Variants in ADGRD1 observed in about 807,000 individuals in gnomAD.
ADGRD1 encodes adhesion G protein-coupled receptor D1.
A neutral mutation model predicts 113.4 loss-of-function variants in ADGRD1; 77 were observed. The ratio of observed to expected loss-of-function variants is 0.68; its 90% CI spans 0.57 to 0.82. The LOEUF (loss-of-function observed/expected upper bound fraction) is 0.82. Ranked by LOEUF, ADGRD1 falls within the 40% of genes least tolerant of loss-of-function variation. The probability of loss-of-function intolerance (pLI) is 0.00; values close to 1 mark genes in which losing one functional copy is unlikely to be tolerated. For missense variants in ADGRD1, 1,036 were observed against 1,139.1 expected (o/e 0.91, Z 1.30); for synonymous variants, 474 against 475.0 (o/e 1.00, Z 0.03).
intron 20 of ADGRD1, among the ~76,000 whole-genome samples, chr12:131,125,222 A>G (rs1433626752): frequency 1.3e-5 from 2 of 152,212 alleles, no homozygotes; most frequent in East Asian, 3.8e-4. Context: ...GGGCTTCAGC[A>G]TATGAATTTG....
intron 13 of ADGRD1, among the ~76,000 whole-genome samples, chr12:131,028,919 C>T (rs182286826): frequency 1.6e-4 from 25 of 152,314 alleles, no homozygotes; most frequent in Non-Finnish European, 2.2e-4. Flanking sequence ...ATTTGATGCG[C>T]GTCGTGAAAC....
At chr12:131,029,281 C>G (rs975384150) in intron 13 of ADGRD1, among the ~76,000 whole-genome samples, 1 of 152,238 alleles carries the variant, frequency 6.6e-6, no homozygotes, top group Non-Finnish European at 1.5e-5. Flanking sequence ...CTTGAACCTG[C>G]AGTGCGAATC....
At chr12:130,959,065 G>A (rs569299555) in intron 2 of ADGRD1, among the ~76,000 whole-genome samples, 37 of 152,350 alleles carry the variant, frequency 2.4e-4, no homozygotes, top group African/African-American at 8.4e-4. Flanking sequence ...CGAGTGGTCA[G>A]TACCGGGACA....
chr12:130,974,892 A>C (rs1872126837), intron 4 of ADGRD1, among the ~76,000 whole-genome samples: 1 of 151,902 alleles, frequency 6.6e-6, no homozygotes, highest in South Asian at 2.1e-4. Flanking sequence ...CCTTCATTCT[A>C]GGAGCTACTG....
At chr12:130,996,933 C>T (rs1395175085) in intron 8 of ADGRD1, among the ~76,000 whole-genome samples, 6 of 129,422 alleles carry the variant, frequency 4.6e-5, no homozygotes, top group African/African-American at 6.0e-5. Context: ...CCTCACCTCC[C>T]GGACGGGGTG....
At chr12:130,995,635 C>T (rs141350229) in intron 8 of ADGRD1, among the ~76,000 whole-genome samples, 13 of 152,228 alleles carry the variant, frequency 8.5e-5, no homozygotes, top group African/African-American at 3.1e-4. Flanking sequence ...TGTCTGTAAC[C>T]GTTAGGGTGA....
intron 2 of ADGRD1, chr12:130,956,958 C>G (rs1417304416): frequency 6.6e-6 from 1 of 152,410 alleles, no homozygotes; most frequent in Non-Finnish European, 1.5e-5. Context: ...TGTCCACACA[C>G]CACTCACATC....
Position 131,078,539 on chromosome 12 carries a change from A to C in ADGRD1, c.1547+1665A>C, listed in dbSNP as rs141900774. Among the ~76,000 whole-genome samples the C allele has an allele frequency of 6.8e-3, 1,033 of 152,332 alleles. 8 individuals are homozygous for C. Among genetic ancestry groups the C allele is most frequent in the African/African-American group, 0.024 (986 of 41,562 alleles). On this transcript the variant is annotated intron_variant, in intron 14 of 24. Coordinates refer to ENST00000261654, the MANE Select transcript of ADGRD1 (RefSeq NM_198827.5). ...ATTCCGGGGCACTGTTTGGAGAAAA[A>C]AATTATGACTAGAAAACGGGATGGG... is the stretch of plus-strand genomic sequence containing the variant.
At chr12:131,000,761 A>T (rs554037439) in intron 9 of ADGRD1, among the ~76,000 whole-genome samples, 1 of 151,540 alleles carries the variant, frequency 6.6e-6, no homozygotes, top group African/African-American at 2.4e-5. Flanking sequence ...AAAAAAAAAA[A>T]AAAAGAGAGA....
At chr12:130,997,158 G>A (rs1474065579) in intron 8 of ADGRD1, among the ~76,000 whole-genome samples, 18 of 138,064 alleles carry the variant, frequency 1.3e-4, no homozygotes, top group African/African-American at 3.9e-4. Context: ...CCTCCCTCCC[G>A]GACGGGGCGG....
intron 9 of ADGRD1, chr12:131,002,846 A>G: frequency 4.9e-6 from 6 of 1,228,788 alleles, no homozygotes; most frequent in Admixed American, 5.9e-5. Context: ...AGGTAGGGGG[A>G]GGGTCTGGGA....
In ADGRD1 at chr12:130,966,153, T is replaced by C. The variant is rs1870971830; in HGVS notation, c.104-310T>C. ...GATATGGAACATTCTTATCTTTTCCTGACATGAATGGGCAAGCTTCTAGTG... is the reference window on the plus strand; with the variant it reads ...GATATGGAACATTCTTATCTTTTCCCGACATGAATGGGCAAGCTTCTAGTG... On this transcript the variant is annotated intron_variant, in intron 2 of 24. Transcript: ENST00000261654. This position sits in a 1 kb window ranked among gnomAD's most constrained non-coding sequence, Gnocchi z 4.6. Among the ~76,000 whole-genome samples, 1 of 152,228 alleles carries C rather than the reference T, an allele frequency of 6.6e-6. No homozygotes were observed. The highest frequency in any genetic ancestry group is 2.1e-4 in the South Asian group (1 of 4,828).
intron 4 of ADGRD1, 61 bp from the exon 5 acceptor site, chr12:130,981,823 T>C (rs1873028982): frequency 1.8e-6 from 2 of 1,094,530 alleles, no homozygotes; most frequent in Non-Finnish European, 2.7e-6. Context: ...GAGAACCATG[T>C]GCTTGCGAGA....
chr12:131,062,808 T>C (rs752741569), intron 13 of ADGRD1, among the ~76,000 whole-genome samples: 8 of 152,264 alleles, frequency 5.3e-5, no homozygotes, highest in Middle Eastern at 3.4e-3. Context: ...GTGGTAAATA[T>C]ATTTAATATT....
intron 14 of ADGRD1, among the ~76,000 whole-genome samples, chr12:131,077,211 C>T (rs1411655712): frequency 6.6e-6 from 1 of 151,818 alleles, no homozygotes; most frequent in Non-Finnish European, 1.5e-5. Context: ...CTGGCTGTCC[C>T]CCTCGAGGGT....
At chr12:131,074,622 C>T (rs1885436847) in intron 13 of ADGRD1, among the ~76,000 whole-genome samples, 1 of 152,222 alleles carries the variant, frequency 6.6e-6, no homozygotes, top group Admixed American at 6.5e-5. Flanking sequence ...ATCAAAAACA[C>T]ACCCACCCCA....
Position 130,954,628 on chromosome 12 carries a change from G to A in ADGRD1, c.71G>A (p.Arg24His), listed in dbSNP as rs1342243371. ...LLLFYYNFQV[R>H]GVYSRSQDHP... is the part of the protein sequence containing the mutation. ...ACTGTGGTCTTTTGTGCGCAGGTGCGTGGCGTCTACTCCAGATCGCAGGAC... is the reference window on the plus strand; with the variant it reads ...ACTGTGGTCTTTTGTGCGCAGGTGCATGGCGTCTACTCCAGATCGCAGGAC... Residue 24 changes from arginine to histidine, a missense_variant, in exon 2 of 25, where the codon CGT becomes CAT. Arg to His is a conservative substitution (Grantham distance 29, BLOSUM62 0). Coordinates refer to ENST00000261654, the MANE Select transcript of ADGRD1 (RefSeq NM_198827.5). The surrounding 1 kb of genome is among the most constrained non-coding windows in gnomAD (Gnocchi z 4.7). 8 of 1,613,832 alleles carry A rather than the reference G, an allele frequency of 5.0e-6. No homozygotes were observed. Among genetic ancestry groups the A allele is most frequent in the South Asian group, 3.3e-5 (3 of 91,070 alleles).
chr12:130,994,275 C>G (rs1332094413), intron 8 of ADGRD1: 2 of 451,792 alleles, frequency 4.4e-6, no homozygotes, highest in African/African-American at 4.0e-5. Flanking sequence ...GCAGTAAGTG[C>G]TTTATTAATA....
intron 6 of ADGRD1, chr12:130,988,473 G>A (rs946340577): frequency 3.3e-5 from 5 of 152,188 alleles, no homozygotes; most frequent in African/African-American, 4.8e-5. Context: ...GCCTGCCCTC[G>A]TTCCGCTTCT....
Sources: gnomAD v4.1 joint callset for allele counts (sites outside exome capture counted in the v4.1 genomes callset) on GRCh38, gnomAD v4.1.1 for gene constraint, Gnocchi (gnomAD v3.1) non-coding constraint, MANE v1.5 for transcripts, NCBI Gene and HGNC (gene_info 2026-07-23, HGNC 2026-07-21) for gene names.